Variants in RAPGEF5 observed in about 807,000 individuals in gnomAD.
RAPGEF5 encodes Rap guanine nucleotide exchange factor 5.
In RAPGEF5, 65 loss-of-function variants were observed where a neutral mutation model predicts 125.2. The ratio of observed to expected loss-of-function variants is 0.52; its 90% CI spans 0.43 to 0.64. The LOEUF is 0.64. RAPGEF5 is among the 30% of genes least tolerant of loss of function. RAPGEF5 has a pLI of 0.00. For synonymous variants in RAPGEF5, 391 were observed against 385.9 expected, an observed-to-expected ratio of 1.01 and a Z score of -0.16; for missense variants, 958 against 1,048.1, an observed-to-expected ratio of 0.91 and a Z score of 1.19.
rs117701341 is a variant in RAPGEF5, at chr7:22,212,615, T to C, written c.996+7251A>G. On this transcript the variant is annotated intron_variant, in intron 9 of 25. Coordinates refer to ENST00000665637, the MANE Select transcript of RAPGEF5 (RefSeq NM_012294.5). ...TCCAAACCTTGGAAGTACACAGTTATCATGAACAACTCTCCATCTGTCTGT... is the reference window on the plus strand; with the variant it reads ...TCCAAACCTTGGAAGTACACAGTTACCATGAACAACTCTCCATCTGTCTGT... Among the ~76,000 whole-genome samples the C allele has an allele frequency of 3.7e-3, 566 of 152,356 alleles. 3 individuals carry two copies. The highest frequency in any genetic ancestry group is 6.4e-3 in the Non-Finnish European group (432 of 68,030).
chr7:22,173,203 T>G (rs763681445), intron 11 of RAPGEF5, among the ~76,000 whole-genome samples: 1 of 152,232 alleles, frequency 6.6e-6, no homozygotes, highest in African/African-American at 2.4e-5. Flanking sequence ...AAATGTACCA[T>G]GTAATTTGAT....
chr7:22,353,912 GA>G (rs36022234), intron 1 of RAPGEF5, among the ~76,000 whole-genome samples: 43,624 of 150,534 alleles, frequency 0.29, 6,433 homozygotes, highest in East Asian at 0.37. Context: ...AAAGAAATAG[GA>G]AAAAAAAAAT....
chr7:22,199,894 G>T (rs967049055), intron 9 of RAPGEF5, among the ~76,000 whole-genome samples: 1 of 152,180 alleles, frequency 6.6e-6, no homozygotes, highest in Non-Finnish European at 1.5e-5. Context: ...TCTCTCTCAA[G>T]CTGAAGCGGA....
At chr7:22,252,207 G>A (rs530200919) in intron 7 of RAPGEF5, among the ~76,000 whole-genome samples, 1 of 152,288 alleles carries the variant, frequency 6.6e-6, no homozygotes, top group South Asian at 2.1e-4. Context: ...ACTCTGAAGA[G>A]CTTAAAATCA....
chr7:22,353,504 T>C (rs1784366527), intron 1 of RAPGEF5, among the ~76,000 whole-genome samples: 1 of 152,170 alleles, frequency 6.6e-6, no homozygotes. Flanking sequence ...TAAAATGCAC[T>C]AGCCCCTACA....
chr7:22,193,551 G>C, intron 10 of RAPGEF5, 96 bp from the exon 11 acceptor site: 1 of 1,551,924 alleles, frequency 6.4e-7, no homozygotes, highest in Non-Finnish European at 8.7e-7. Flanking sequence ...CGATGTATTT[G>C]AAATAAGGCA....
rs369631192 is a variant in RAPGEF5, at chr7:22,219,896, C to T, written c.966G>A (p.Thr322=). 50 of 1,612,172 alleles carry T rather than the reference C, an allele frequency of 3.1e-5. No individual in the cohort carries two copies. In the African/African-American group the frequency reaches 4.1e-4, roughly 13 times the overall value. The change falls in exon 9 of 26, where the codon ACG becomes ACA. Residue 322 remains threonine, a synonymous_variant. Coordinates refer to ENST00000665637, the MANE Select transcript of RAPGEF5 (RefSeq NM_012294.5). ...CAGACTTCTCCTGTTCTTTTTTGTCCGTCTGCAAAAACTGATAGTTTTCTT... is the reference window on the plus strand; with the variant it reads ...CAGACTTCTCCTGTTCTTTTTTGTCTGTCTGCAAAAACTGATAGTTTTCTT... ...LAKENYQFLQ[T]DKKEQEKSEH...
chr7:22,160,459 C>G, intron 14 of RAPGEF5, 59 bp downstream of exon 14: 1 of 1,483,072 alleles, frequency 6.7e-7, no homozygotes, highest in Non-Finnish European at 9.1e-7. Flanking sequence ...ATTCCAAATT[C>G]TATCATATTT....
At chr7:22,264,043 T>G (rs1782224194) in intron 7 of RAPGEF5, among the ~76,000 whole-genome samples, 1 of 152,176 alleles carries the variant, frequency 6.6e-6, no homozygotes, top group African/African-American at 2.4e-5. Context: ...ATATTAATTC[T>G]CCCAAACATC....
At chr7:22,235,012 C>T (rs1292927314) in intron 7 of RAPGEF5, among the ~76,000 whole-genome samples, 1 of 152,174 alleles carries the variant, frequency 6.6e-6, no homozygotes, top group African/African-American at 2.4e-5. Flanking sequence ...CGTGTGCTGA[C>T]TCTCATCAGG....
Position 22,278,182 on chromosome 7 carries a change from C to G in RAPGEF5, c.748-11170G>C, listed in dbSNP as rs1583542464. The stretch of plus-strand genomic sequence containing the variant: ...CCCAACCAGTGCCCCAAATTCATCT[C>G]AAATTAACTCATTTATTTGCCTCCA... On this transcript the variant is annotated intron_variant, in intron 6 of 25. Coordinates refer to ENST00000665637, the MANE Select transcript of RAPGEF5 (RefSeq NM_012294.5). Among the ~76,000 whole-genome samples the G allele has an allele frequency of 2.6e-5, 4 of 152,286 alleles. No individual in the cohort carries two copies. The Middle Eastern group carries it at 0.014, about 518-fold the overall frequency.
intron 12 of RAPGEF5, 107 bp from the exon 13 acceptor site, chr7:22,162,648 A>G (rs979142613): frequency 1.7e-5 from 19 of 1,102,924 alleles, no homozygotes; most frequent in Non-Finnish European, 1.4e-5. Context: ...GTGTATAAAC[A>G]TGCAGGAAGA....
intron 1 of RAPGEF5, among the ~76,000 whole-genome samples, chr7:22,330,753 C>A (rs1277763525): frequency 6.6e-6 from 1 of 152,186 alleles, no homozygotes; most frequent in Non-Finnish European, 1.5e-5. Context: ...GGTTCTATAT[C>A]AGCTTCAGAA....
At chr7:22,304,080 T>C (rs1783275650) in intron 5 of RAPGEF5, among the ~76,000 whole-genome samples, 1 of 152,084 alleles carries the variant, frequency 6.6e-6, no homozygotes, top group African/African-American at 2.4e-5. Flanking sequence ...CTGATCACAG[T>C]ATATTCCAAG....
At chr7:22,208,086 A>C (rs1404794245) in intron 9 of RAPGEF5, among the ~76,000 whole-genome samples, 1 of 151,806 alleles carries the variant, frequency 6.6e-6, no homozygotes. Flanking sequence ...CTTCTGTCTC[A>C]TTTCACATGC....
chr7:22,209,206 C>T (rs755442350), intron 9 of RAPGEF5, among the ~76,000 whole-genome samples: 35 of 152,224 alleles, frequency 2.3e-4, no homozygotes, highest in Non-Finnish European at 5.1e-4. Context: ...AAACATCTGG[C>T]ATTCAAGTAT....
At chr7:22,338,882 C>G (rs1784073580) in intron 1 of RAPGEF5, among the ~76,000 whole-genome samples, 1 of 152,160 alleles carries the variant, frequency 6.6e-6, no homozygotes, top group African/African-American at 2.4e-5. Context: ...AGAAGACCAT[C>G]AGGTGAGGAT....
intron 5 of RAPGEF5, among the ~76,000 whole-genome samples, chr7:22,296,858 A>G (rs1411479040): frequency 6.6e-6 from 1 of 152,210 alleles, no homozygotes; most frequent in African/African-American, 2.4e-5. Flanking sequence ...CCAGGGGCCA[A>G]GTGGAAAAAC....
At chr7:22,264,030 A>C (rs977908021) in intron 7 of RAPGEF5, among the ~76,000 whole-genome samples, 2 of 152,212 alleles carry the variant, frequency 1.3e-5, no homozygotes, top group African/African-American at 4.8e-5. Context: ...TGAAAAAATT[A>C]CTATATTAAT....
Sources: gnomAD v4.1 joint callset for allele counts (sites outside exome capture counted in the v4.1 genomes callset) on GRCh38, gnomAD v4.1.1 for gene constraint, MANE v1.5 for transcripts, NCBI Gene and HGNC (gene_info 2026-07-23, HGNC 2026-07-21) for gene names.